Variants in RAB38 observed in about 807,000 individuals in gnomAD.
The protein encoded by RAB38 is ras-related protein Rab-38.
In RAB38, 15 loss-of-function variants were observed where a neutral mutation model predicts 18.4. That is an observed-to-expected ratio of 0.82 (90% CI 0.55 to 1.26). RAB38 has a LOEUF of 1.26. RAB38 is among the 50% of genes most tolerant of loss of function. The probability of loss-of-function intolerance (pLI) is 0.00; values close to 1 mark genes in which losing one functional copy is unlikely to be tolerated. For synonymous variants in RAB38, 101 were observed against 104.4 expected, an observed-to-expected ratio of 0.97 and a Z score of 0.20; for missense variants, 294 against 267.4, an observed-to-expected ratio of 1.10 and a Z score of -0.69.
chr11:87,820,594 C>G, the RAB38 span, among the ~76,000 whole-genome samples: 3 of 152,082 alleles, frequency 2.0e-5, no homozygotes, highest in African/African-American at 7.2e-5. Flanking sequence ...CACCTTTTCC[C>G]AGGTCTCAAA....
chr11:87,868,608 A>AGAGAGG, the RAB38 span, among the ~76,000 whole-genome samples: 6 of 102,988 alleles, frequency 5.8e-5, 1 homozygote, highest in South Asian at 6.6e-4. Context: ...AGAGAGAGAG[A>AGAGAGG]GAGAGAGAGA....
chr11:87,952,198 C>T, the RAB38 span, among the ~76,000 whole-genome samples: 1 of 152,126 alleles, frequency 6.6e-6, no homozygotes, highest in Non-Finnish European at 1.5e-5. Context: ...ACTCTCATCT[C>T]TTATTTCTTT....
chr11:88,025,382 T>C, the RAB38 span, among the ~76,000 whole-genome samples: 2 of 152,134 alleles, frequency 1.3e-5, no homozygotes, highest in African/African-American at 4.8e-5. Context: ...TGTAGTTTCC[T>C]TTGGGTATAT....
the RAB38 span, among the ~76,000 whole-genome samples, chr11:88,048,923 T>C: frequency 2.0e-5 from 3 of 152,192 alleles, no homozygotes; most frequent in Admixed American, 2.0e-4. Context: ...CTTTAATACC[T>C]GTTTTTCTCC....
At chr11:87,857,252 C>G in the RAB38 span, among the ~76,000 whole-genome samples, 75 of 152,278 alleles carry the variant, frequency 4.9e-4, no homozygotes, top group African/African-American at 1.4e-3. Context: ...TTTTCTTAAT[C>G]CAGTCTATCA....
chr11:88,061,681 C>T, the RAB38 span: 5 of 151,746 alleles, frequency 3.3e-5, no homozygotes, highest in African/African-American at 7.3e-5. Flanking sequence ...TTCCACAGGA[C>T]CTAGAGAAGT....
the RAB38 span, among the ~76,000 whole-genome samples, chr11:88,029,762 C>T: frequency 6.6e-6 from 1 of 152,016 alleles, no homozygotes; most frequent in South Asian, 2.1e-4. Context: ...GAGACTTAGA[C>T]TCCCACACAT....
chr11:88,039,713 G>C, the RAB38 span, among the ~76,000 whole-genome samples: 1 of 152,352 alleles, frequency 6.6e-6, no homozygotes, highest in South Asian at 2.1e-4. Context: ...ATAGGCATGA[G>C]AATGGGCATG....
chr11:87,955,804 C>T, the RAB38 span, among the ~76,000 whole-genome samples: 1 of 151,960 alleles, frequency 6.6e-6, no homozygotes, highest in African/African-American at 2.4e-5. Flanking sequence ...ACCGTTTTCA[C>T]ACTGTGGGGT....
At chr11:87,872,539 C>T in the RAB38 span, among the ~76,000 whole-genome samples, 1 of 151,504 alleles carries the variant, frequency 6.6e-6, no homozygotes, top group Admixed American at 6.6e-5. Context: ...TGATATATAT[C>T]CACTATTATG....
the RAB38 span, among the ~76,000 whole-genome samples, chr11:87,922,511 C>T: frequency 1.3e-5 from 2 of 151,786 alleles, no homozygotes; most frequent in Non-Finnish European, 2.9e-5. Flanking sequence ...AATTACCTGT[C>T]ATATTCATAT....
chr11:87,826,665 A>G, the RAB38 span, among the ~76,000 whole-genome samples: 1 of 152,132 alleles, frequency 6.6e-6, no homozygotes, highest in African/African-American at 2.4e-5. Flanking sequence ...AATAACTCTT[A>G]AATTTCCATT....
the RAB38 span, among the ~76,000 whole-genome samples, chr11:87,876,879 G>A: frequency 2.1e-3 from 315 of 151,632 alleles, no homozygotes; most frequent in African/African-American, 7.2e-3. Context: ...CAGCTGAAGT[G>A]TTCTTATAGT....
chr11:88,123,395 T>A (rs1942654165), intron 2 of RAB38, among the ~76,000 whole-genome samples: 1 of 152,254 alleles, frequency 6.6e-6, no homozygotes, highest in African/African-American at 2.4e-5. Context: ...AGTTCAGCTT[T>A]CACTGAAAAT....
At chr11:87,951,838 G>T in the RAB38 span, among the ~76,000 whole-genome samples, 2 of 152,224 alleles carry the variant, frequency 1.3e-5, no homozygotes, top group East Asian at 1.9e-4. Flanking sequence ...TAGGCTACTC[G>T]GGTGTCAGGG....
chr11:88,107,431 C>G, the RAB38 span, among the ~76,000 whole-genome samples: 1 of 152,036 alleles, frequency 6.6e-6, no homozygotes, highest in Non-Finnish European at 1.5e-5. Flanking sequence ...TAAAAATAAG[C>G]ATAGTAGTAT....
chr11:88,060,379 A>C, the RAB38 span: 2 of 152,218 alleles, frequency 1.3e-5, no homozygotes, highest in Non-Finnish European at 2.9e-5. Flanking sequence ...TATGTGTTTG[A>C]GTAACTTCTA....
chr11:88,122,351 G>T (rs1351874667), intron 2 of RAB38, among the ~76,000 whole-genome samples: 1 of 152,112 alleles, frequency 6.6e-6, no homozygotes. Flanking sequence ...AAACAGTGCT[G>T]GGATACCCAA....
At chr11:87,910,250 C>T in the RAB38 span, among the ~76,000 whole-genome samples, 6 of 152,088 alleles carry the variant, frequency 3.9e-5, no homozygotes, top group Non-Finnish European at 5.9e-5. Flanking sequence ...GATGAATCCA[C>T]CTATGTGTCT....
Sources: gnomAD v4.1 joint callset for allele counts (sites outside exome capture counted in the v4.1 genomes callset) on GRCh38, gnomAD v4.1.1 for gene constraint, MANE v1.5 for transcripts, NCBI Gene and HGNC (gene_info 2026-07-23, HGNC 2026-07-21) for gene names.